Variants in GAB1 observed in about 807,000 individuals in gnomAD.
GAB1 encodes the protein GRB2 associated binding protein 1.
Under a neutral mutation model 66.5 loss-of-function variants are expected in GAB1, and 19 were observed. The ratio of observed to expected loss-of-function variants is 0.29; its 90% CI spans 0.20 to 0.42. The LOEUF (loss-of-function observed/expected upper bound fraction) is 0.42, where lower values mean the gene tolerates loss of function less well. GAB1 is among the 10% of genes least tolerant of loss of function. The probability of loss-of-function intolerance (pLI) is 1.00; values close to 1 mark genes in which losing one functional copy is unlikely to be tolerated. For synonymous variants in GAB1, 294 were observed against 301.4 expected (o/e 0.98, Z 0.25); for missense variants, 732 against 858.5 (o/e 0.85, Z 1.84).
chr4:143,400,580 TCTTC>T (rs1262076967), intron 1 of GAB1, among the ~76,000 whole-genome samples: 3 of 152,202 alleles, frequency 2.0e-5, no homozygotes, highest in Non-Finnish European at 4.4e-5. Context: ...TATTTTTAAT[TCTTC>T]CTTTATCTTT....
At chr4:143,463,835 T>C (rs1157831074) in intron 8 of GAB1, among the ~76,000 whole-genome samples, 4 of 152,118 alleles carry the variant, frequency 2.6e-5, no homozygotes, top group Admixed American at 2.6e-4. Context: ...TACTTAAAGA[T>C]GGAAAAACAT....
rs1553945760 is a variant in GAB1, at chr4:143,373,868, AAT to A, written c.72+36625_72+36626del. On this transcript the variant is annotated intron_variant, in intron 1 of 9. Coordinates refer to ENST00000262994, the MANE Select transcript of GAB1 (RefSeq NM_002039.4). ...CTCTCTCTCTCTCTGTAAATAAATA[AAT>A]ATATATATATATATATTTTTACCTT... 1.7e-4 allele frequency among the ~76,000 whole-genome samples: 16 copies of A among 93,656 alleles called. 1 individual carries two copies. The highest frequency in any genetic ancestry group is 4.4e-4 in the South Asian group (1 of 2,258). 61.4% of individuals were successfully genotyped at this position (93,656 alleles called of 152,430 possible).
chr4:143,468,885 T>C (rs1284137013), intron 9 of GAB1, 146 bp from the exon 10 acceptor site: 1 of 724,784 alleles, frequency 1.4e-6, no homozygotes, highest in African/African-American at 1.8e-5. Context: ...ATCGCACCAC[T>C]GCACTCCATC....
chr4:143,416,998 A>G (rs1732727235), intron 2 of GAB1, among the ~76,000 whole-genome samples: 1 of 152,208 alleles, frequency 6.6e-6, no homozygotes, highest in Non-Finnish European at 1.5e-5. Flanking sequence ...ACAAAACACA[A>G]TGAACAAGTA....
chr4:143,462,268 A>T (rs977031397), intron 8 of GAB1, among the ~76,000 whole-genome samples: 2 of 152,120 alleles, frequency 1.3e-5, no homozygotes, highest in African/African-American at 2.4e-5. Context: ...TTTCCTCAGT[A>T]TAGTAAGTTG....
chr4:143,367,834 C>T (rs1000656016), intron 1 of GAB1, among the ~76,000 whole-genome samples: 2 of 147,560 alleles, frequency 1.4e-5, no homozygotes, highest in South Asian at 2.2e-4. Context: ...AAATAATTCT[C>T]ATGCCTCAGC....
chr4:143,359,889 C>A (rs1005526698), intron 1 of GAB1, among the ~76,000 whole-genome samples: 1 of 152,176 alleles, frequency 6.6e-6, no homozygotes, highest in African/African-American at 2.4e-5. Context: ...TTCAAAGGAA[C>A]GCTGGGGAAC....
chr4:143,465,368 C>T (rs1317306665), intron 8 of GAB1, among the ~76,000 whole-genome samples: 1 of 152,184 alleles, frequency 6.6e-6, no homozygotes, highest in Non-Finnish European at 1.5e-5. Flanking sequence ...TACAAATCAT[C>T]TGAAATGGTT....
intron 1 of GAB1, among the ~76,000 whole-genome samples, chr4:143,390,112 C>T (rs1277174374): frequency 3.9e-5 from 6 of 152,088 alleles, no homozygotes; most frequent in African/African-American, 7.2e-5. Context: ...AGTGCTGGTT[C>T]GAGGTACAGA....
chr4:143,428,853 T>TGGGGGGA (rs1279781027), intron 2 of GAB1, among the ~76,000 whole-genome samples: 1 of 76,732 alleles, frequency 1.3e-5, no homozygotes, highest in Non-Finnish European at 2.3e-5. Flanking sequence ...TGTTGTGGGG[T>TGGGGGGA]GGGGGGAGGG....
At chr4:143,449,075 T>A (rs1734739390) in intron 6 of GAB1, among the ~76,000 whole-genome samples, 1 of 150,144 alleles carries the variant, frequency 6.7e-6, no homozygotes, top group East Asian at 1.9e-4. Flanking sequence ...AGCAGGTTGT[T>A]CAGTTTCCAT....
chr4:143,459,324 A>C, intron 6 of GAB1, 61 bp from the exon 7 acceptor site: 1 of 948,844 alleles, frequency 1.1e-6, no homozygotes, highest in East Asian at 2.4e-5. Flanking sequence ...CAGAGAGAGA[A>C]TCTTGTTTGT....
intron 1 of GAB1, among the ~76,000 whole-genome samples, chr4:143,351,990 A>G (rs1218003417): frequency 9.2e-5 from 14 of 152,220 alleles, no homozygotes; most frequent in Admixed American, 9.2e-4. Context: ...TGACTGAAGT[A>G]ATGTTTGAGA....
chr4:143,383,371 C>T (rs757505750), intron 1 of GAB1, among the ~76,000 whole-genome samples: 1 of 152,160 alleles, frequency 6.6e-6, no homozygotes, highest in Non-Finnish European at 1.5e-5. Context: ...CATTCTTTGT[C>T]CTCTTATAGA....
intron 1 of GAB1, among the ~76,000 whole-genome samples, chr4:143,364,794 C>CACTA (rs1729806413): frequency 1.3e-5 from 2 of 151,010 alleles, no homozygotes; most frequent in South Asian, 4.2e-4. Context: ...CTCTGGCCTG[C>CACTA]ACTAGTTGGC....
chr4:143,423,995 A>G (rs752007241), intron 2 of GAB1, among the ~76,000 whole-genome samples: 57 of 151,550 alleles, frequency 3.8e-4, no homozygotes, highest in Non-Finnish European at 6.2e-4. Context: ...TAAAAATGAG[A>G]TGGTCCTATT....
intron 1 of GAB1, among the ~76,000 whole-genome samples, chr4:143,348,985 C>T (rs948578471): frequency 6.6e-6 from 1 of 152,218 alleles, no homozygotes; most frequent in Non-Finnish European, 1.5e-5. Flanking sequence ...GCCACATGTA[C>T]ACACAGACAT....
intron 1 of GAB1, among the ~76,000 whole-genome samples, chr4:143,365,257 G>A (rs927087505): frequency 2.6e-5 from 4 of 151,958 alleles, no homozygotes; most frequent in Non-Finnish European, 5.9e-5. Context: ...AAGAAGGAGG[G>A]GGAAATGATA....
At chr4:143,369,266 G>T (rs895750754) in intron 1 of GAB1, among the ~76,000 whole-genome samples, 1 of 151,890 alleles carries the variant, frequency 6.6e-6, no homozygotes, top group Non-Finnish European at 1.5e-5. Context: ...TAGTAGAGAT[G>T]AGGTTTCACC....
Sources: allele counts gnomAD v4.1 joint callset (sites outside exome capture counted in the v4.1 genomes callset), GRCh38; gene constraint gnomAD v4.1.1; transcripts MANE v1.5; gene names NCBI Gene and HGNC (gene_info 2026-07-23, HGNC 2026-07-21).